The following XRCC5 variants were observed in gnomAD, a reference collection of about 807,000 sequenced individuals.
XRCC5 encodes X-ray repair cross complementing 5.
Under a neutral mutation model 95.7 loss-of-function variants are expected in XRCC5, and 12 were observed. That is an observed-to-expected ratio of 0.13 (90% CI 0.08 to 0.20). XRCC5 has a LOEUF of 0.20. XRCC5 is among the 10% of genes least tolerant of loss of function. XRCC5 has a pLI of 1.00. For missense variants in XRCC5, 595 were observed against 873.9 expected, an observed-to-expected ratio of 0.68 and a Z score of 4.02; for synonymous variants, 281 against 290.3, an observed-to-expected ratio of 0.97 and a Z score of 0.33.
Position 216,205,347 on chromosome 2 carries a change from C to A in XRCC5, c.*145C>A, listed in dbSNP as rs1689924707. 1.1e-6 allele frequency: 1 copy of A among 903,998 alleles called. No individual in the cohort carries two copies. The highest frequency in any genetic ancestry group is 1.8e-6 in the Non-Finnish European group (1 of 541,960). The allele number at this position is 903,998 out of a possible 1,614,324, so 56.0% of individuals were successfully genotyped here. ...TTACCTGGAGGCGGATCATCTAATT[C>A]TCTGTGGAATGAATACACACATATA... is the stretch of plus-strand genomic sequence containing the variant. On this transcript the variant is annotated 3_prime_UTR_variant, in exon 21 of 21. Transcript: ENST00000392132.
intron 14 of XRCC5, among the ~76,000 whole-genome samples, chr2:216,155,051 C>A (rs1342163713): frequency 4.6e-5 from 7 of 151,212 alleles, no homozygotes; most frequent in Admixed American, 3.3e-4. Flanking sequence ...CATAGTGAGA[C>A]CTCATCTCTA....
At chr2:216,193,818 G>A (rs1032413015) in intron 18 of XRCC5, among the ~76,000 whole-genome samples, 1 of 152,188 alleles carries the variant, frequency 6.6e-6, no homozygotes, top group Admixed American at 6.5e-5. Flanking sequence ...GTACACATGG[G>A]TGTTAAATAC....
chr2:216,200,600 A>C (rs971995542), intron 19 of XRCC5, among the ~76,000 whole-genome samples: 3 of 152,176 alleles, frequency 2.0e-5, no homozygotes, highest in Non-Finnish European at 4.4e-5. Context: ...TTACACATTC[A>C]TGTACCTGGG....
At chr2:216,202,148 A>G (rs571502104) in intron 19 of XRCC5, among the ~76,000 whole-genome samples, 5 of 152,326 alleles carry the variant, frequency 3.3e-5, no homozygotes, top group Admixed American at 3.3e-4. Flanking sequence ...GTAGTGGACT[A>G]CAGAACCATT....
intron 16 of XRCC5, among the ~76,000 whole-genome samples, chr2:216,180,140 A>G (rs1269330662): frequency 6.6e-6 from 1 of 152,180 alleles, no homozygotes. Context: ...GTATGTATAA[A>G]TCGTGGAGAA....
At chr2:216,143,480 A>G (rs1484921388) in intron 13 of XRCC5, among the ~76,000 whole-genome samples, 1 of 152,160 alleles carries the variant, frequency 6.6e-6, no homozygotes, top group Non-Finnish European at 1.5e-5. Context: ...ATAAATGCTT[A>G]TTGGAATAAC....
At chr2:216,120,067 G>A (rs1696777555) in intron 5 of XRCC5, among the ~76,000 whole-genome samples, 2 of 151,930 alleles carry the variant, frequency 1.3e-5, no homozygotes, top group Non-Finnish European at 2.9e-5. Context: ...GCATGTGTGA[G>A]TAGTCTTCTC....
intron 16 of XRCC5, among the ~76,000 whole-genome samples, chr2:216,185,179 G>A (rs532962887): frequency 8.5e-5 from 13 of 152,162 alleles, no homozygotes; most frequent in African/African-American, 2.7e-4. Context: ...TACCAATCCC[G>A]GGGTTACAGC....
In XRCC5 at chr2:216,125,908, T is replaced by G. The variant is rs1696893348; in HGVS notation, c.684-9T>G. 1 of 1,607,126 alleles carries G rather than the reference T, an allele frequency of 6.2e-7. No individual in the cohort carries two copies. The highest frequency in any genetic ancestry group is 8.5e-7 in the Non-Finnish European group (1 of 1,174,258). On this transcript the variant is annotated splice_polypyrimidine_tract_variant and intron_variant, in intron 6 of 20. Coordinates refer to ENST00000392132, the MANE Select transcript of XRCC5 (RefSeq NM_021141.4). ...TTGTTGCTTTCATTTTATATTTTTC[T>G]TTATTAAGTGAGAGTCTGAGAAAAC...
At chr2:216,131,607 T>C (rs774416776) in intron 9 of XRCC5, among the ~76,000 whole-genome samples, 1 of 152,184 alleles carries the variant, frequency 6.6e-6, no homozygotes, top group African/African-American at 2.4e-5. Context: ...GCAGTACTTA[T>C]TTTTGATTTA....
Position 216,149,778 on chromosome 2 carries a change from A to G in XRCC5, c.1670+1502A>G, listed in dbSNP as rs537184050. 7.2e-5 allele frequency among the ~76,000 whole-genome samples: 11 copies of G among 152,220 alleles called. No homozygotes were observed. The East Asian group carries it at 2.1e-3, about 29-fold the overall frequency. Reference sequence around the variant, plus strand: ...GTTCTGTCGTTTGATCCCTGCTATGATCACACCTTTGGCTCTGGTCCTGCT... The same window carrying G: ...GTTCTGTCGTTTGATCCCTGCTATGGTCACACCTTTGGCTCTGGTCCTGCT... On this transcript the variant is annotated intron_variant, in intron 14 of 20. Coordinates refer to ENST00000392132, the MANE Select transcript of XRCC5 (RefSeq NM_021141.4).
chr2:216,163,058 T>A (rs931046629), intron 16 of XRCC5, among the ~76,000 whole-genome samples: 17 of 152,210 alleles, frequency 1.1e-4, no homozygotes, highest in African/African-American at 3.6e-4. Context: ...CGAGCTGACT[T>A]CTACGTATGT....
intron 12 of XRCC5, among the ~76,000 whole-genome samples, chr2:216,138,844 T>A (rs2106013509): frequency 6.6e-6 from 1 of 152,264 alleles, no homozygotes; most frequent in Admixed American, 6.5e-5. Context: ...TGAGTAGATG[T>A]TTTAGGTTAC....
intron 10 of XRCC5, among the ~76,000 whole-genome samples, chr2:216,136,356 C>CAAAAAAAAAA: frequency 2.9e-5 from 1 of 34,146 alleles, no homozygotes; most frequent in East Asian, 1.3e-3. Flanking sequence ...AACTGTGTCT[C>CAAAAAAAAAA]AAAAAAAAAA....
intron 3 of XRCC5, 129 bp from the exon 4 acceptor site, chr2:216,117,617 C>A: frequency 1.2e-6 from 1 of 800,586 alleles, no homozygotes; most frequent in Non-Finnish European, 2.1e-6. Context: ...GAAGGGCACT[C>A]AGGCAAGTAC....
At chr2:216,162,237 C>T (rs919924985) in intron 16 of XRCC5, among the ~76,000 whole-genome samples, 189 bp downstream of exon 16, 6 of 152,182 alleles carry the variant, frequency 3.9e-5, no homozygotes, top group Non-Finnish European at 8.8e-5. Flanking sequence ...GAACTCAGCA[C>T]AGATTTTCTC....
intron 6 of XRCC5, among the ~76,000 whole-genome samples, chr2:216,124,457 A>C (rs1574455185): frequency 6.6e-6 from 1 of 152,176 alleles, no homozygotes; most frequent in East Asian, 1.9e-4. Flanking sequence ...ATTTTCCCTG[A>C]AATAGAATCT....
At chr2:216,130,827 A>G (rs760675769) in intron 8 of XRCC5, 48 bp from the exon 9 acceptor site, 1 of 1,322,760 alleles carries the variant, frequency 7.6e-7, no homozygotes, top group South Asian at 1.3e-5. Context: ...CAGCTTGTAG[A>G]AAATGAGGCC....
intron 10 of XRCC5, among the ~76,000 whole-genome samples, chr2:216,133,903 A>G (rs2106010609): frequency 1.3e-5 from 2 of 152,336 alleles, no homozygotes; most frequent in Admixed American, 1.3e-4. Context: ...GCAGGGGTGT[A>G]GGAGGGATGG....
Sources: gnomAD v4.1 joint callset for allele counts (sites outside exome capture counted in the v4.1 genomes callset) on GRCh38, gnomAD v4.1.1 for gene constraint, MANE v1.5 for transcripts, NCBI Gene and HGNC (gene_info 2026-07-23, HGNC 2026-07-21) for gene names.